KCND2: variants seen among roughly 807,000 people sequenced by gnomAD.
KCND2 encodes potassium voltage-gated channel subfamily D member 2.
KCND2 carries 16 observed loss-of-function variants against 54.4 expected under a neutral mutation model. The ratio of observed to expected loss-of-function variants is 0.29; its 90% CI spans 0.20 to 0.45. KCND2 has a LOEUF of 0.45. Ranked by LOEUF, KCND2 falls within the 20% of genes least tolerant of loss-of-function variation. KCND2 has a pLI of 1.00. For missense variants in KCND2, 486 were observed against 824.2 expected (o/e 0.59, Z 5.02); for synonymous variants, 317 against 310.7 (o/e 1.02, Z -0.21).
At chr7:120,683,191 C>G (rs1399831993) in intron 1 of KCND2, among the ~76,000 whole-genome samples, 1 of 152,088 alleles carries the variant, frequency 6.6e-6, no homozygotes, top group Non-Finnish European at 1.5e-5. Flanking sequence ...TGCCTTTCAT[C>G]CTGTGCATTT....
At chr7:120,704,646 T>C (rs934822174) in intron 1 of KCND2, among the ~76,000 whole-genome samples, 1 of 152,218 alleles carries the variant, frequency 6.6e-6, no homozygotes, top group Non-Finnish European at 1.5e-5. Flanking sequence ...TAATATGAAC[T>C]ATGTCTAAAT....
At chr7:120,725,795 G>C (rs1327007416) in intron 1 of KCND2, among the ~76,000 whole-genome samples, 1 of 152,056 alleles carries the variant, frequency 6.6e-6, no homozygotes, top group Non-Finnish European at 1.5e-5. Context: ...CATTATTTGG[G>C]CTATAACACT....
chr7:120,702,170 A>G (rs1562914237), intron 1 of KCND2, among the ~76,000 whole-genome samples: 1 of 152,204 alleles, frequency 6.6e-6, no homozygotes, highest in African/African-American at 2.4e-5. Flanking sequence ...CATACATGTG[A>G]CCAACAAGCA....
intron 1 of KCND2, among the ~76,000 whole-genome samples, chr7:120,634,764 C>T (rs1332326605): frequency 6.6e-6 from 1 of 152,142 alleles, no homozygotes; most frequent in Non-Finnish European, 1.5e-5. Flanking sequence ...AGTAGTATTC[C>T]ACTGGTCTTA....
At chr7:120,303,585 G>A (rs1337263776) in intron 1 of KCND2, among the ~76,000 whole-genome samples, 3 of 152,120 alleles carry the variant, frequency 2.0e-5, no homozygotes, top group Non-Finnish European at 2.9e-5. Flanking sequence ...TACTTCAGCA[G>A]GATTTGGGGA....
At chr7:120,625,114 A>G (rs933653108) in intron 1 of KCND2, among the ~76,000 whole-genome samples, 5 of 152,186 alleles carry the variant, frequency 3.3e-5, no homozygotes, top group Admixed American at 6.5e-5. Context: ...ACATCTGACT[A>G]TAGTATATAG....
At chr7:120,508,891 A>ATTTTTTTTTT (rs57245091) in intron 1 of KCND2, among the ~76,000 whole-genome samples, 7 of 138,246 alleles carry the variant, frequency 5.1e-5, no homozygotes, top group African/African-American at 1.4e-4. Flanking sequence ...GCCTTTCACG[A>ATTTTTTTTTT]TTTTTTTTTT....
At chr7:120,404,663 G>A (rs993815676) in intron 1 of KCND2, among the ~76,000 whole-genome samples, 3 of 152,094 alleles carry the variant, frequency 2.0e-5, no homozygotes, top group Non-Finnish European at 2.9e-5. Flanking sequence ...ACCCAGCTTT[G>A]CCAGTAATAA....
intron 1 of KCND2, among the ~76,000 whole-genome samples, chr7:120,558,378 T>C (rs1792190916): frequency 6.6e-6 from 1 of 152,140 alleles, no homozygotes; most frequent in Non-Finnish European, 1.5e-5. Flanking sequence ...CCTTAAATTA[T>C]AGCATTCTTG....
At chr7:120,590,425 A>G (rs1792656212) in intron 1 of KCND2, among the ~76,000 whole-genome samples, 2 of 152,130 alleles carry the variant, frequency 1.3e-5, no homozygotes, top group African/African-American at 2.4e-5. Flanking sequence ...CCCTGCTGTT[A>G]ATCCTTACCA....
chr7:120,725,911 C>T (rs1206221267), intron 1 of KCND2, among the ~76,000 whole-genome samples: 1 of 152,178 alleles, frequency 6.6e-6, no homozygotes, highest in Non-Finnish European at 1.5e-5. Flanking sequence ...CCACGCACTC[C>T]TTGAAAGTTC....
chr7:120,567,587 T>A (rs1173025737), intron 1 of KCND2, among the ~76,000 whole-genome samples: 1 of 152,180 alleles, frequency 6.6e-6, no homozygotes, highest in Non-Finnish European at 1.5e-5. Context: ...AATCACCTAT[T>A]TTTATATGTA....
At chr7:120,629,487 G>C (rs116940744) in intron 1 of KCND2, among the ~76,000 whole-genome samples, 6 of 152,174 alleles carry the variant, frequency 3.9e-5, no homozygotes, top group South Asian at 2.1e-4. Flanking sequence ...CTCCGTCTCG[G>C]GGGTGGGGTG....
At chr7:120,702,193 T>G (rs536651938) in intron 1 of KCND2, among the ~76,000 whole-genome samples, 61 of 152,102 alleles carry the variant, frequency 4.0e-4, no homozygotes, top group African/African-American at 1.4e-3. Flanking sequence ...TAAGAAAAAC[T>G]CAACATCAGT....
At chr7:120,422,137 T>G (rs911863998) in intron 1 of KCND2, among the ~76,000 whole-genome samples, 1 of 152,228 alleles carries the variant, frequency 6.6e-6, no homozygotes, top group African/African-American at 2.4e-5. Flanking sequence ...ATGGTTAATT[T>G]CTAATGCAGA....
intron 1 of KCND2, among the ~76,000 whole-genome samples, chr7:120,355,311 C>T (rs1289536906): frequency 1.3e-5 from 2 of 152,180 alleles, no homozygotes; most frequent in Non-Finnish European, 2.9e-5. Flanking sequence ...CTTTGAGAGG[C>T]AGATGTGGGT....
intron 1 of KCND2, among the ~76,000 whole-genome samples, chr7:120,364,078 C>T (rs2116404614): frequency 6.6e-6 from 1 of 152,264 alleles, no homozygotes; most frequent in South Asian, 2.1e-4. Context: ...CAGTGCCTGG[C>T]ACATAAGAGA....
rs12669626 is a variant in KCND2 at position 120,650,129 on chromosome 7, A to G, written c.1116-82774A>G. 5.0e-4 allele frequency among the ~76,000 whole-genome samples: 75 copies of G among 149,776 alleles called. 3 individuals are homozygous for G. In the East Asian group the frequency reaches 0.014, roughly 29 times the overall value. ...TCTTCTCGAGGAGTATCTTTGTGGC[A>G]TTCTCTGTATTTCCTGAATTTGAAT... On this transcript the variant is annotated intron_variant, in intron 1 of 5. Coordinates refer to ENST00000331113, the MANE Select transcript of KCND2 (RefSeq NM_012281.3).
intron 1 of KCND2, among the ~76,000 whole-genome samples, chr7:120,688,414 A>T (rs1792230331): frequency 6.6e-6 from 1 of 152,158 alleles, no homozygotes; most frequent in African/African-American, 2.4e-5. Flanking sequence ...TTCCCATATC[A>T]GCCATTTAAA....
Sources: gnomAD v4.1 joint callset for allele counts (sites outside exome capture counted in the v4.1 genomes callset) on GRCh38, gnomAD v4.1.1 for gene constraint, MANE v1.5 for transcripts, NCBI Gene and HGNC (gene_info 2026-07-23, HGNC 2026-07-21) for gene names.